EVC2: variants seen among roughly 807,000 people sequenced by gnomAD.
EVC2 encodes the protein limbin.
A neutral mutation model predicts 149.3 loss-of-function variants in EVC2; 148 were observed. That is an observed-to-expected ratio of 0.99 (90% CI 0.87 to 1.14). The LOEUF (loss-of-function observed/expected upper bound fraction) is 1.14, where lower values mean the gene tolerates loss of function less well. Ranked by LOEUF, EVC2 falls within the 50% of genes most tolerant of loss-of-function variation. The pLI is 0.00. For missense variants in EVC2, 1,854 were observed against 1,627.3 expected (o/e 1.14, Z -2.40); for synonymous variants, 776 against 649.9 (o/e 1.19, Z -2.95).
chr4:5,662,522 A>C (rs1302532469), intron 9 of EVC2, among the ~76,000 whole-genome samples: 2 of 144,040 alleles, frequency 1.4e-5, no homozygotes, highest in Non-Finnish European at 3.0e-5. Flanking sequence ...TAATATTAAT[A>C]TTAAATATAT....
intron 17 of EVC2, among the ~76,000 whole-genome samples, chr4:5,577,776 C>A (rs569707468): frequency 6.6e-6 from 1 of 152,170 alleles, no homozygotes; most frequent in African/African-American, 2.4e-5. Flanking sequence ...GGGCTCCTAG[C>A]ATGCTGAGAT....
chr4:5,534,526 G>A, the EVC2 span, among the ~76,000 whole-genome samples: 2 of 152,180 alleles, frequency 1.3e-5, no homozygotes, highest in Non-Finnish European at 2.9e-5. Flanking sequence ...GACCTCTGAC[G>A]ATTTTTCTTC....
At chr4:5,639,599 T>A (rs536276738) in intron 10 of EVC2, among the ~76,000 whole-genome samples, 2 of 152,342 alleles carry the variant, frequency 1.3e-5, no homozygotes, top group South Asian at 4.1e-4. Flanking sequence ...CAGTGCCTAA[T>A]TAAGGCCTTC....
chr4:5,593,748 G>A (rs918142541), intron 16 of EVC2, among the ~76,000 whole-genome samples: 2 of 152,176 alleles, frequency 1.3e-5, no homozygotes, highest in African/African-American at 2.4e-5. Flanking sequence ...CACCGTGCGT[G>A]AGCCAAAGCA....
intron 6 of EVC2, among the ~76,000 whole-genome samples, chr4:5,681,686 C>T (rs1720354933): frequency 2.6e-5 from 4 of 152,110 alleles, no homozygotes; most frequent in Admixed American, 2.6e-4. Flanking sequence ...TGGGCTCTGA[C>T]TGCACTGCAC....
rs554000879 is a variant in EVC2, at chr4:5,695,347, C to CA, written c.284-847dup. On this transcript the variant is annotated intron_variant, in intron 2 of 21. Coordinates refer to ENST00000344408, the MANE Select transcript of EVC2 (RefSeq NM_147127.5). ...TGGGCGACAGAGCAAGACTCCATCTCAAAAAAAAAAAAGAAAAAAAAAAGA... is the reference window on the plus strand; with the variant it reads ...TGGGCGACAGAGCAAGACTCCATCTCAAAAAAAAAAAAAGAAAAAAAAAAGA... Among the ~76,000 whole-genome samples, 774 of 110,580 alleles carry CA rather than the reference C, an allele frequency of 7.0e-3. 2 individuals carry two copies. Among genetic ancestry groups the CA allele is most frequent in the Middle Eastern group, 0.011 (2 of 186 alleles). The allele number at this position is 110,580 out of a possible 152,430, so 72.5% of individuals were successfully genotyped here. A position where few individuals can be genotyped will look rare whatever the true frequency, so the allele number is the denominator to read the frequency against.
intron 21 of EVC2, among the ~76,000 whole-genome samples, chr4:5,553,622 A>G (rs1186880828): frequency 1.3e-5 from 2 of 152,178 alleles, no homozygotes; most frequent in Admixed American, 6.5e-5. Flanking sequence ...GGAGTAATAA[A>G]ATTTTTCAAA....
At chr4:5,690,794 G>C (rs1018145944) in intron 4 of EVC2, among the ~76,000 whole-genome samples, 27 of 152,200 alleles carry the variant, frequency 1.8e-4, no homozygotes, top group African/African-American at 6.0e-4. Context: ...TCTCTGTAAT[G>C]AACTGTAACT....
intron 16 of EVC2, among the ~76,000 whole-genome samples, chr4:5,612,406 T>A (rs1206420105): frequency 6.6e-6 from 1 of 152,174 alleles, no homozygotes; most frequent in Admixed American, 6.5e-5. Flanking sequence ...TGTGCTTAGT[T>A]CCTTCTATTA....
chr4:5,643,300 A>C (rs969477778), intron 9 of EVC2, among the ~76,000 whole-genome samples: 4 of 152,224 alleles, frequency 2.6e-5, no homozygotes, highest in Non-Finnish European at 1.5e-5. Context: ...TCTTATCATC[A>C]AGCATGAAAA....
Position 5,640,460 on chromosome 4 carries a change from G to C in EVC2, c.1470+54C>G. On this transcript the variant is annotated intron_variant, in intron 10 of 21. Coordinates refer to ENST00000344408, the MANE Select transcript of EVC2 (RefSeq NM_147127.5). The surrounding 1 kb of genome is among the most constrained non-coding windows in gnomAD (Gnocchi z 4.6). Reference sequence around the variant, plus strand: ...CAGATGAGTGGGTAGATGGATAAATGACAAATCCCTGAGAGAAAGGGAAGT... The same window carrying C: ...CAGATGAGTGGGTAGATGGATAAATCACAAATCCCTGAGAGAAAGGGAAGT... 6.2e-7 allele frequency: 1 copy of C among 1,607,436 alleles called. No homozygotes were observed. The highest frequency in any genetic ancestry group is 8.5e-7 in the Non-Finnish European group (1 of 1,174,110).
At chr4:5,658,335 T>C (rs1207181610) in intron 9 of EVC2, among the ~76,000 whole-genome samples, 1 of 152,236 alleles carries the variant, frequency 6.6e-6, no homozygotes, top group Admixed American at 6.5e-5. Flanking sequence ...TTAACTTCCC[T>C]GGGCTTCAAG....
rs1722033176 is a variant in EVC2, at chr4:5,562,815, T to G, written c.*33A>C. On this transcript the variant is annotated 3_prime_UTR_variant, in exon 22 of 22. Transcript: ENST00000344408. This position sits in a 1 kb window ranked among gnomAD's most constrained non-coding sequence, Gnocchi z 4.3. Reference sequence around the variant, plus strand: ...GGGCAGGAGAAAATCATCCCTTCTCTCTTCAGATGCTCCCGCAGGTCTTTC... The same window carrying G: ...GGGCAGGAGAAAATCATCCCTTCTCGCTTCAGATGCTCCCGCAGGTCTTTC... The G allele has an allele frequency of 6.2e-7, 1 of 1,612,366 alleles. No individual in the cohort carries two copies. Among genetic ancestry groups the G allele is most frequent in the Non-Finnish European group, 8.5e-7 (1 of 1,180,036 alleles).
chr4:5,628,786 A>C (rs746493253), intron 11 of EVC2, 52 bp from the exon 12 acceptor site: 2 of 1,529,468 alleles, frequency 1.3e-6, no homozygotes, highest in Non-Finnish European at 1.8e-6. Flanking sequence ...AATTTAGAGC[A>C]TAATCTTTCT....
In EVC2 at chr4:5,631,776, C is replaced by A. The variant is rs371154972; in HGVS notation, c.1710+17G>T. 25 of 1,613,122 alleles carry A rather than the reference C, an allele frequency of 1.5e-5. No individual in the cohort carries two copies. The highest frequency in any genetic ancestry group is 9.9e-5 in the South Asian group (9 of 91,002). ...CAGAAAAATTACTTTTCCATCACAG[C>A]GAGGCTGATGTATTACCTGTATTTT... is the stretch of plus-strand genomic sequence containing the variant. On this transcript the variant is annotated intron_variant, in intron 11 of 21. Transcript: ENST00000344408.
intron 16 of EVC2, among the ~76,000 whole-genome samples, chr4:5,612,631 A>G (rs796496279): frequency 3.2e-4 from 49 of 152,252 alleles, no homozygotes; most frequent in African/African-American, 1.1e-3. Context: ...GATTAGAAAT[A>G]ATTATGAGAG....
chr4:5,665,708 C>G, intron 7 of EVC2, 59 bp from the exon 8 acceptor site: 2 of 1,598,202 alleles, frequency 1.3e-6, no homozygotes, highest in Non-Finnish European at 1.7e-6. Context: ...TCTCCCAGGC[C>G]TCACAGATGA....
chr4:5,639,018 G>T (rs1717109178), intron 10 of EVC2, among the ~76,000 whole-genome samples: 1 of 152,186 alleles, frequency 6.6e-6, no homozygotes, highest in Admixed American at 6.5e-5. Context: ...CCTAAAATGA[G>T]ATGGTTCTGA....
intron 3 of EVC2, 79 bp from the exon 4 acceptor site, chr4:5,691,412 A>G: frequency 8.4e-7 from 1 of 1,188,582 alleles, no homozygotes; most frequent in Non-Finnish European, 1.2e-6. Context: ...CAAGATAATG[A>G]AATTTTTACA....
Sources: gnomAD v4.1 joint callset for allele counts (sites outside exome capture counted in the v4.1 genomes callset) on GRCh38, gnomAD v4.1.1 for gene constraint, Gnocchi (gnomAD v3.1) non-coding constraint, MANE v1.5 for transcripts, NCBI Gene and HGNC (gene_info 2026-07-23, HGNC 2026-07-21) for gene names.